Variants in DOCK4 observed in about 807,000 individuals in gnomAD.
The protein encoded by DOCK4 is dedicator of cytokinesis 4.
DOCK4 carries 97 observed loss-of-function variants against 268.1 expected under a neutral mutation model. The ratio of observed to expected loss-of-function variants is 0.36; its 90% CI spans 0.31 to 0.43. The LOEUF (loss-of-function observed/expected upper bound fraction) is 0.43. Among genes scored for constraint, DOCK4 ranks in the 20% least tolerant of loss-of-function variants. The pLI is 1.00. For missense variants in DOCK4, 2,145 were observed against 2,455.7 expected (o/e 0.87, Z 2.67); for synonymous variants, 954 against 887.2 (o/e 1.08, Z -1.34).
chr7:112,151,690 C>G (rs1213614713), intron 1 of DOCK4, among the ~76,000 whole-genome samples: 1 of 150,788 alleles, frequency 6.6e-6, no homozygotes, highest in Non-Finnish European at 1.5e-5. Flanking sequence ...TTTCAGAGAG[C>G]TCTGTTTTTG....
At chr7:111,923,948 A>G (rs1265872886) in intron 12 of DOCK4, among the ~76,000 whole-genome samples, 3 of 152,188 alleles carry the variant, frequency 2.0e-5, no homozygotes, top group Non-Finnish European at 4.4e-5. Context: ...TAGAAGTTCT[A>G]TTTACTTCTC....
intron 1 of DOCK4, among the ~76,000 whole-genome samples, chr7:112,156,394 T>C (rs1346473): frequency 1.3e-5 from 2 of 152,208 alleles, no homozygotes; most frequent in Non-Finnish European, 2.9e-5. Context: ...AATATCACAT[T>C]GGGGTTACAT....
intron 13 of DOCK4, among the ~76,000 whole-genome samples, chr7:111,905,683 A>ATG (rs145889951): frequency 0.22 from 31,846 of 147,528 alleles, 3,815 homozygotes; most frequent in African/African-American, 0.34. Context: ...ATATGCATGT[A>ATG]TGTGTGTGTG....
In DOCK4 at chr7:111,728,391, C is replaced by G; in HGVS notation, c.5811G>C (p.Pro1937=). 6.4e-7 allele frequency: 1 copy of G among 1,554,144 alleles called. No individual in the cohort carries two copies. Among genetic ancestry groups the G allele is most frequent in the Non-Finnish European group, 8.7e-7 (1 of 1,149,304 alleles). Residue 1937 remains proline (P), a synonymous_variant, in exon 53 of 53, where the codon CCG becomes CCC. Coordinates refer to ENST00000428084, the MANE Select transcript of DOCK4 (RefSeq NM_001363540.2). ...CCAGAGGCTTGGGGGGCAGCGCGGGCGGCTCCGACGTGACGGGGATGGAGA... is the reference window on the plus strand; with the variant it reads ...CCAGAGGCTTGGGGGGCAGCGCGGGGGGCTCCGACGTGACGGGGATGGAGA... The part of the protein sequence containing the change: ...HSLSIPVTSE[P]PALPPKPLAA...
intron 1 of DOCK4, among the ~76,000 whole-genome samples, chr7:112,189,484 C>T (rs1015954277): frequency 1.3e-5 from 2 of 152,090 alleles, no homozygotes; most frequent in Admixed American, 6.6e-5. Flanking sequence ...GGCATTTAAA[C>T]GGAGTCTAGC....
At chr7:111,797,647 G>A (rs1799992539) in intron 30 of DOCK4, among the ~76,000 whole-genome samples, 1 of 152,112 alleles carries the variant, frequency 6.6e-6, no homozygotes, top group East Asian at 1.9e-4. Context: ...AAACAACTCT[G>A]ACTGAAACCC....
intron 1 of DOCK4, among the ~76,000 whole-genome samples, chr7:112,106,477 C>T (rs2115583973): frequency 6.6e-6 from 1 of 152,324 alleles, no homozygotes; most frequent in Non-Finnish European, 1.5e-5. Flanking sequence ...AAAGACTCTG[C>T]TCTGACATTT....
intron 15 of DOCK4, among the ~76,000 whole-genome samples, chr7:111,897,219 T>C (rs1335200872): frequency 6.6e-6 from 1 of 152,200 alleles, no homozygotes; most frequent in Non-Finnish European, 1.5e-5. Context: ...AGTTCCATGA[T>C]GCCAAATCAA....
intron 1 of DOCK4, among the ~76,000 whole-genome samples, chr7:112,179,020 T>A (rs536927760): frequency 6.1e-4 from 93 of 152,340 alleles, no homozygotes; most frequent in African/African-American, 2.2e-3. Flanking sequence ...AAACTGTGTT[T>A]GAGCTTAGCC....
intron 16 of DOCK4, among the ~76,000 whole-genome samples, chr7:111,878,748 G>A (rs1479274948): frequency 6.6e-6 from 1 of 152,186 alleles, no homozygotes; most frequent in East Asian, 1.9e-4. Context: ...TGGGCTCACA[G>A]TGGCCATGCA....
intron 1 of DOCK4, among the ~76,000 whole-genome samples, chr7:112,062,197 A>C (rs1806478018): frequency 6.6e-6 from 1 of 152,206 alleles, no homozygotes; most frequent in Non-Finnish European, 1.5e-5. Flanking sequence ...TAATAATAAT[A>C]CTGATAATTA....
intron 1 of DOCK4, among the ~76,000 whole-genome samples, chr7:112,090,787 A>G (rs943668256): frequency 1.6e-4 from 24 of 152,208 alleles, no homozygotes; most frequent in East Asian, 1.2e-3. Context: ...AACTGTGACC[A>G]TTGAGACAGA....
Position 111,859,654 on chromosome 7 carries a change from G to A in DOCK4, c.2473+3718C>T, listed in dbSNP as rs960235973. Reference sequence around the variant, plus strand: ...GGGATCTCGGCTCACTGCAAGCTCCGCCTCCCGGGTTCACGCCATTCTCCT... The same window carrying A: ...GGGATCTCGGCTCACTGCAAGCTCCACCTCCCGGGTTCACGCCATTCTCCT... On this transcript the variant is annotated intron_variant, in intron 23 of 52. Coordinates refer to ENST00000428084, the MANE Select transcript of DOCK4 (RefSeq NM_001363540.2). Among the ~76,000 whole-genome samples, 34 of 140,250 alleles carry A rather than the reference G, an allele frequency of 2.4e-4. 1 individual carries two copies. In the South Asian group the frequency reaches 4.8e-3, roughly 20 times the overall value. 92.0% of individuals were successfully genotyped at this position (140,250 alleles called of 152,430 possible). A position where few individuals can be genotyped will look rare whatever the true frequency, so the allele number is the denominator to read the frequency against.
At chr7:111,838,332 G>C (rs956715881) in intron 25 of DOCK4, among the ~76,000 whole-genome samples, 1 of 152,076 alleles carries the variant, frequency 6.6e-6, no homozygotes, top group African/African-American at 2.4e-5. Context: ...TGACAATCAA[G>C]ATAGTATGTT....
At chr7:112,005,086 T>C (rs901754404) in intron 1 of DOCK4, among the ~76,000 whole-genome samples, 1 of 152,202 alleles carries the variant, frequency 6.6e-6, no homozygotes, top group Non-Finnish European at 1.5e-5. Context: ...TATGAAATAC[T>C]ATGCACACTG....
intron 30 of DOCK4, among the ~76,000 whole-genome samples, chr7:111,792,690 T>G (rs1455997726): frequency 6.6e-6 from 1 of 151,796 alleles, no homozygotes; most frequent in African/African-American, 2.4e-5. Flanking sequence ...GCTTACAGGG[T>G]TTTTTTTAAG....
At chr7:112,165,724 A>T (rs1475502038) in intron 1 of DOCK4, among the ~76,000 whole-genome samples, 4 of 152,218 alleles carry the variant, frequency 2.6e-5, no homozygotes, top group Admixed American at 2.6e-4. Flanking sequence ...AGGGGAAAAA[A>T]ATCAAGAAGT....
chr7:111,865,001 G>A (rs1805854703), intron 22 of DOCK4, among the ~76,000 whole-genome samples: 1 of 152,372 alleles, frequency 6.6e-6, no homozygotes, highest in Non-Finnish European at 1.5e-5. Context: ...ATCTTGTGAT[G>A]AGGGGAGGAA....
At chr7:112,097,658 C>T (rs1240785768) in intron 1 of DOCK4, among the ~76,000 whole-genome samples, 1 of 152,196 alleles carries the variant, frequency 6.6e-6, no homozygotes, top group East Asian at 1.9e-4. Flanking sequence ...CTTAGTCACA[C>T]ATACTTTTGT....
Sources: gnomAD v4.1 joint callset for allele counts (sites outside exome capture counted in the v4.1 genomes callset) on GRCh38, gnomAD v4.1.1 for gene constraint, MANE v1.5 for transcripts, NCBI Gene and HGNC (gene_info 2026-07-23, HGNC 2026-07-21) for gene names.